The following TMEM132B variants were observed in gnomAD, a reference collection of about 807,000 sequenced individuals.
The protein encoded by TMEM132B is transmembrane protein 132B.
TMEM132B carries 18 observed loss-of-function variants against 90.8 expected under a neutral mutation model. That is an observed-to-expected ratio of 0.20 (90% CI 0.14 to 0.29). TMEM132B has a LOEUF of 0.29. Ranked by LOEUF, TMEM132B falls within the 10% of genes least tolerant of loss-of-function variation. The probability of loss-of-function intolerance (pLI) is 1.00; values close to 1 mark genes in which losing one functional copy is unlikely to be tolerated. For synonymous variants in TMEM132B, 504 were observed against 523.3 expected (o/e 0.96, Z 0.50); for missense variants, 1,096 against 1,326.8 (o/e 0.83, Z 2.70).
At chr12:125,590,193 C>T (rs973249216) in intron 5 of TMEM132B, among the ~76,000 whole-genome samples, 3 of 152,138 alleles carry the variant, frequency 2.0e-5, no homozygotes, top group African/African-American at 7.2e-5. Flanking sequence ...AATCACTTTT[C>T]TATCTAAATT....
At chr12:125,274,202 A>G (rs975500143) in intron 1 of TMEM132B, among the ~76,000 whole-genome samples, 1 of 152,218 alleles carries the variant, frequency 6.6e-6, no homozygotes, top group Non-Finnish European at 1.5e-5. Context: ...ACTCTTTCAC[A>G]TTGAAATGTG....
intron 1 of TMEM132B, among the ~76,000 whole-genome samples, chr12:125,195,430 C>G (rs1460186365): frequency 1.2e-5 from 1 of 86,860 alleles, no homozygotes; most frequent in Non-Finnish European, 2.2e-5. Flanking sequence ...TGGAGTTTTA[C>G]TCTTGTTGCC....
intron 4 of TMEM132B, among the ~76,000 whole-genome samples, chr12:125,536,601 A>G (rs939997327): frequency 1.9e-4 from 29 of 152,330 alleles, no homozygotes; most frequent in African/African-American, 6.3e-4. Flanking sequence ...TGCTTAAAAC[A>G]TTGCCTGGCA....
Position 125,657,755 on chromosome 12 carries a change from A to G in TMEM132B, c.*3045A>G, listed in dbSNP as rs1383545852. ...TCCCTTCCTCTCCCATGGGAATGGA[A>G]TGCTCAGACTCCTGCTGAGGGAGAC... is the stretch of plus-strand genomic sequence containing the variant. On this transcript the variant is annotated 3_prime_UTR_variant, in exon 9 of 9. Transcript: ENST00000682704. 2 of 152,190 alleles carry G rather than the reference A, an allele frequency of 1.3e-5. No homozygotes were observed. The highest frequency in any genetic ancestry group is 4.8e-5 in the African/African-American group (2 of 41,454). 9.4% of individuals were successfully genotyped at this position (152,190 alleles called of 1,614,324 possible).
chr12:125,306,380 C>T (rs191028493), intron 1 of TMEM132B, among the ~76,000 whole-genome samples: 7 of 152,338 alleles, frequency 4.6e-5, no homozygotes, highest in South Asian at 2.1e-4. Flanking sequence ...GGGCTCCAGA[C>T]GTCTTTCTCT....
rs1376807271 is a variant in TMEM132B, at chr12:125,508,275, T to C, written c.1107-11164T>C. On this transcript the variant is annotated intron_variant, in intron 3 of 8. Transcript: ENST00000682704. ...GGTGAATGTGAGCACTCTTCTGATC[T>C]AGTGTTCTGCAGGAAGTTCATCTTG... 2.0e-5 allele frequency among the ~76,000 whole-genome samples: 3 copies of C among 152,194 alleles called. No individual in the cohort carries two copies. The East Asian group carries it at 5.8e-4, about 29-fold the overall frequency.
rs759824279 is a variant in TMEM132B at position 125,650,866 on chromosome 12, G to A, written c.1827G>A (p.Glu609=). ...TTGACATCACTGACCTTGTGACCGAGTTCATGAAGGTGGAGGAGCCGAAAA... is the reference window on the plus strand; with the variant it reads ...TTGACATCACTGACCTTGTGACCGAATTCATGAAGGTGGAGGAGCCGAAAA... ...WQFDITDLVT[E]FMKVEEPKIA... The change falls in exon 7 of 9, where the codon GAG becomes GAA. Residue 609 remains glutamate (E), a synonymous_variant. Coordinates refer to ENST00000682704, the MANE Select transcript of TMEM132B (RefSeq NM_001366854.1). 24 of 1,613,994 alleles carry A rather than the reference G, an allele frequency of 1.5e-5. No homozygotes were observed. Among genetic ancestry groups the A allele is most frequent in the Non-Finnish European group, 1.9e-5 (23 of 1,180,056 alleles).
chr12:125,517,326 GATTTTTTTTTTTTTTTTTTTTTTT>G lies in TMEM132B; in HGVS notation c.1107-2112_1107-2089del, dbSNP rs879049021. On this transcript the variant is annotated intron_variant, in intron 3 of 8. Transcript: ENST00000682704. ...CAGGCGCCCGCCACCATGCCCTGCTGATTTTTTTTTTTTTTTTTTTTTTTTTTTTTTTTTTTTTTGCATTTTTAG... is the reference window on the plus strand; with the variant it reads ...CAGGCGCCCGCCACCATGCCCTGCTGTTTTTTTTTTTTTTTGCATTTTTAG... Among the ~76,000 whole-genome samples the G allele has an allele frequency of 8.7e-3, 770 of 88,016 alleles. 27 individuals are homozygous for G. Among genetic ancestry groups the G allele is most frequent in the Non-Finnish European group, 0.012 (512 of 41,922 alleles). The allele number at this position is 88,016 out of a possible 152,430, so 57.7% of individuals were successfully genotyped here. A position where few individuals can be genotyped will look rare whatever the true frequency, so the allele number is the denominator to read the frequency against.
chr12:125,223,983 G>T (rs1054427205), intron 1 of TMEM132B, among the ~76,000 whole-genome samples: 1 of 152,078 alleles, frequency 6.6e-6, no homozygotes, highest in South Asian at 2.1e-4. Flanking sequence ...CGCCATGTTG[G>T]CCAGGCTGGT....
At chr12:125,622,403 T>A (rs1886131305) in intron 5 of TMEM132B, 1 of 893,934 alleles carries the variant, frequency 1.1e-6, no homozygotes. Flanking sequence ...AGAATCACAA[T>A]AAGTCACCAT....
At chr12:125,469,097 T>C (rs1334789711) in intron 3 of TMEM132B, among the ~76,000 whole-genome samples, 1 of 152,226 alleles carries the variant, frequency 6.6e-6, no homozygotes, top group Non-Finnish European at 1.5e-5. Context: ...TGCTCTGTCT[T>C]GGACTCCCAG....
At chr12:125,393,071 G>A (rs1048686021) in intron 2 of TMEM132B, among the ~76,000 whole-genome samples, 6 of 152,186 alleles carry the variant, frequency 3.9e-5, no homozygotes, top group Non-Finnish European at 8.8e-5. Flanking sequence ...AAAAGAGAGA[G>A]GCATAAGCAC....
rs368219345 is a variant in TMEM132B at position 125,519,503 on chromosome 12, G to T, written c.1171G>T (p.Ala391Ser). 1.7e-5 allele frequency: 27 copies of T among 1,614,004 alleles called. No individual in the cohort carries two copies. The highest frequency in any genetic ancestry group is 2.3e-5 in the Non-Finnish European group (27 of 1,180,016). Reference sequence around the variant, plus strand: ...TGGAATTGATAATAGCAGTGACCTGGCTGGGGCCCAGCAGATTACCTGGCA... The same window carrying T: ...TGGAATTGATAATAGCAGTGACCTGTCTGGGGCCCAGCAGATTACCTGGCA... ...DFGIDNSSDL[A>S]GAQQITWQVE... Residue 391 changes from alanine to serine, a missense_variant, in exon 4 of 9, where the codon GCT (alanine) becomes TCT (serine). Transcript: ENST00000682704.
intron 5 of TMEM132B, among the ~76,000 whole-genome samples, chr12:125,617,836 G>A (rs1478105762): frequency 6.6e-6 from 1 of 152,022 alleles, no homozygotes; most frequent in African/African-American, 2.4e-5. Context: ...GCGTCTCTGA[G>A]GTTTGTCCAG....
At chr12:125,331,279 A>G (rs1593088125) in intron 1 of TMEM132B, among the ~76,000 whole-genome samples, 1 of 152,204 alleles carries the variant, frequency 6.6e-6, no homozygotes, top group Admixed American at 6.5e-5. Context: ...GCGACACAGG[A>G]CAAGCTCTGA....
intron 1 of TMEM132B, among the ~76,000 whole-genome samples, chr12:125,269,142 T>A (rs999297583): frequency 4.6e-5 from 7 of 152,236 alleles, no homozygotes; most frequent in African/African-American, 1.7e-4. Flanking sequence ...TCTGATTATA[T>A]TTGCAGTTAC....
chr12:125,256,858 G>A (rs1469008165), intron 1 of TMEM132B, among the ~76,000 whole-genome samples: 1 of 152,152 alleles, frequency 6.6e-6, no homozygotes, highest in Non-Finnish European at 1.5e-5. Flanking sequence ...TAACTTTTCT[G>A]TTCATCTAAG....
At chr12:125,448,111 A>G (rs1881053887) in intron 3 of TMEM132B, among the ~76,000 whole-genome samples, 1 of 152,160 alleles carries the variant, frequency 6.6e-6, no homozygotes, top group South Asian at 2.1e-4. Context: ...TAAAAATACA[A>G]AAATTAGCTG....
At chr12:125,315,166 G>C (rs756380998) in intron 1 of TMEM132B, among the ~76,000 whole-genome samples, 2 of 152,270 alleles carry the variant, frequency 1.3e-5, no homozygotes, top group Non-Finnish European at 2.9e-5. Context: ...TGATGATGCT[G>C]TGCCTACGCG....
Sources: gnomAD v4.1 joint callset for allele counts (sites outside exome capture counted in the v4.1 genomes callset) on GRCh38, gnomAD v4.1.1 for gene constraint, MANE v1.5 for transcripts, NCBI Gene and HGNC (gene_info 2026-07-23, HGNC 2026-07-21) for gene names.